The following PCDH15 variants were observed in gnomAD, a reference collection of about 807,000 sequenced individuals.
The protein encoded by PCDH15 is protocadherin related 15, also known as protocadherin-15.
In PCDH15, 129 loss-of-function variants were observed where a neutral mutation model predicts 178.5. That is an observed-to-expected ratio of 0.72 (90% confidence interval 0.63 to 0.84). PCDH15 has a LOEUF of 0.84. Among genes scored for constraint, PCDH15 ranks in the 40% least tolerant of loss-of-function variants. PCDH15 has a pLI of 0.00. For synonymous variants in PCDH15, 800 were observed against 732.0 expected (o/e 1.09, Z -1.50); for missense variants, 2,230 against 2,099.9 (o/e 1.06, Z -1.21).
In PCDH15 at chr10:54,020,219, A is replaced by C; in HGVS notation, c.2724T>G (p.Gly908=). Residue 908 remains glycine (G), a synonymous_variant, in exon 20 of 38, where the codon GGT becomes GGG. Coordinates refer to ENST00000644397, the MANE Select transcript of PCDH15 (RefSeq NM_001384140.1). ...AFDIYGTMPP[G]IATVTVIVKD... is the part of the protein sequence containing the mutation. ...TTACAATCACTGTGACAGTAGCAAT[A>C]CCAGGTGGCATTGTTCCATAAATAT... is the stretch of plus-strand genomic sequence containing the variant. The C allele has an allele frequency of 6.2e-7, 1 of 1,613,618 alleles. No individual in the cohort carries two copies. Among genetic ancestry groups the C allele is most frequent in the Non-Finnish European group, 8.5e-7 (1 of 1,179,658 alleles).
chr10:54,039,513 G>A (rs1056016334), intron 18 of PCDH15, among the ~76,000 whole-genome samples: 2 of 151,906 alleles, frequency 1.3e-5, no homozygotes, highest in African/African-American at 4.8e-5. Flanking sequence ...TTACTCTGTG[G>A]CAAGCTAGTC....
chr10:55,507,527 G>C (rs1456235707), intron 2 of PCDH15, among the ~76,000 whole-genome samples: 1 of 151,438 alleles, frequency 6.6e-6, no homozygotes, highest in African/African-American at 2.4e-5. Flanking sequence ...CAAGTAACTT[G>C]AGTTTTCTTT....
chr10:55,175,693 A>C (rs541512479), intron 1 of PCDH15, among the ~76,000 whole-genome samples: 11 of 151,592 alleles, frequency 7.3e-5, no homozygotes, highest in Admixed American at 2.6e-4. Context: ...AAGAAAAAAA[A>C]AGAAAAGAAA....
At chr10:55,516,870 A>G (rs941630366) in intron 2 of PCDH15, among the ~76,000 whole-genome samples, 1 of 152,086 alleles carries the variant, frequency 6.6e-6, no homozygotes, top group African/African-American at 2.4e-5. Flanking sequence ...TGTGTATTTC[A>G]AAACTGCTCC....
intron 18 of PCDH15, among the ~76,000 whole-genome samples, chr10:54,031,874 A>G (rs2093304534): frequency 6.6e-6 from 1 of 152,062 alleles, no homozygotes; most frequent in Admixed American, 6.6e-5. Flanking sequence ...TTACATAGTA[A>G]GGCTGTCTTT....
At chr10:54,461,692 C>T (rs1031154769) in intron 3 of PCDH15, among the ~76,000 whole-genome samples, 11 of 152,102 alleles carry the variant, frequency 7.2e-5, no homozygotes, top group African/African-American at 2.4e-4. Flanking sequence ...TACCTGTGCA[C>T]ATATTTCCTC....
chr10:54,247,207 ATG>A (rs1564782373), intron 8 of PCDH15, among the ~76,000 whole-genome samples: 359 of 151,866 alleles, frequency 2.4e-3, no homozygotes, highest in African/African-American at 8.4e-3. Context: ...CATATCCTGA[ATG>A]TATGAAGTAT....
At chr10:54,989,610 T>C (rs905063145) in intron 2 of PCDH15, among the ~76,000 whole-genome samples, 1 of 152,218 alleles carries the variant, frequency 6.6e-6, no homozygotes, top group African/African-American at 2.4e-5. Flanking sequence ...TGTAGCCCCT[T>C]TGTTTTGGCC....
intron 37 of PCDH15, chr10:53,808,537 A>AT (rs1355817107): frequency 1.4e-6 from 2 of 1,437,862 alleles, no homozygotes; most frequent in Non-Finnish European, 1.8e-6. Context: ...TTTGGACAAC[A>AT]TATATATTCA....
At chr10:55,177,855 CTT>C (rs1001089689) in intron 1 of PCDH15, among the ~76,000 whole-genome samples, 3 of 146,254 alleles carry the variant, frequency 2.1e-5, no homozygotes, top group African/African-American at 7.4e-5. Context: ...AGATTGGACT[CTT>C]TTTACAGACG....
At position 53,810,586 on chromosome 10, in the gene PCDH15, ACCAAC is replaced by A; in HGVS notation, c.4636_4640del (p.Val1546Ter). On this transcript the variant is annotated frameshift_variant, in exon 37 of 38. Coordinates refer to ENST00000644397, the MANE Select transcript of PCDH15 (RefSeq NM_001384140.1). LOFTEE classifies it high-confidence loss of function. Reference sequence around the variant, plus strand: ...CCTCCTCATATTCTTCCTCAGCTTCACCAACCACCTCACCATATTCCTCCTGTCCA... The same window carrying A: ...CCTCCTCATATTCTTCCTCAGCTTCACACCTCACCATATTCCTCCTGTCCA... 1 of 1,613,806 alleles carries A rather than the reference ACCAAC, an allele frequency of 6.2e-7. No homozygotes were observed. The highest frequency in any genetic ancestry group is 8.5e-7 in the Non-Finnish European group (1 of 1,179,810).
intron 3 of PCDH15, among the ~76,000 whole-genome samples, chr10:54,484,382 C>T (rs1421674230): frequency 6.6e-6 from 1 of 151,920 alleles, no homozygotes; most frequent in Admixed American, 6.6e-5. Flanking sequence ...ACCTTTAATA[C>T]ATTCATAATG....
At chr10:55,145,983 A>T (rs1178188079) in intron 2 of PCDH15, among the ~76,000 whole-genome samples, 3 of 151,828 alleles carry the variant, frequency 2.0e-5, no homozygotes, top group African/African-American at 7.3e-5. Flanking sequence ...ATACAACCAT[A>T]AACAGGAATA....
chr10:54,640,367 G>A (rs1383400704), intron 2 of PCDH15, among the ~76,000 whole-genome samples: 2 of 151,252 alleles, frequency 1.3e-5, no homozygotes, highest in Non-Finnish European at 2.9e-5. Flanking sequence ...AATATCATGG[G>A]TTCAAAGACA....
chr10:53,969,674 A>C (rs981782925), intron 21 of PCDH15, among the ~76,000 whole-genome samples: 1 of 152,258 alleles, frequency 6.6e-6, no homozygotes, highest in Non-Finnish European at 1.5e-5. Context: ...CAAAAAATGT[A>C]CAAGTCAGAA....
At chr10:55,121,366 G>GC (rs368883651) in intron 2 of PCDH15, among the ~76,000 whole-genome samples, 5 of 148,830 alleles carry the variant, frequency 3.4e-5, no homozygotes, top group South Asian at 2.2e-4. Context: ...GCTGGGGGGG[G>GC]GCAATTTGCC....
At chr10:54,691,560 G>C (rs748368487) in intron 1 of PCDH15, among the ~76,000 whole-genome samples, 1 of 151,208 alleles carries the variant, frequency 6.6e-6, no homozygotes, top group African/African-American at 2.4e-5. Context: ...TCTGAGTACA[G>C]CAGCCAGAGC....
chr10:55,553,623 C>T (rs1842038802), intron 2 of PCDH15, among the ~76,000 whole-genome samples: 1 of 151,944 alleles, frequency 6.6e-6, no homozygotes, highest in Admixed American at 6.6e-5. Flanking sequence ...AATTTTTGTC[C>T]TCTTGTTCAT....
intron 2 of PCDH15, among the ~76,000 whole-genome samples, chr10:54,990,934 G>A (rs1220807976): frequency 6.6e-6 from 1 of 150,586 alleles, no homozygotes; most frequent in Admixed American, 6.6e-5. Flanking sequence ...AACTATTATG[G>A]CAATTCAAAT....
Sources: allele counts gnomAD v4.1 joint callset (sites outside exome capture counted in the v4.1 genomes callset), GRCh38; gene constraint gnomAD v4.1.1; transcripts MANE v1.5; gene names NCBI Gene and HGNC (gene_info 2026-07-23, HGNC 2026-07-21).